The following BLCAP variants were observed in gnomAD, a reference collection of about 807,000 sequenced individuals.
BLCAP encodes BLCAP apoptosis inducing factor, also known as apoptosis inducing factor BLCAP.
In BLCAP, 1 loss-of-function variant was observed where a neutral mutation model predicts 5.7. The ratio of observed to expected loss-of-function variants is 0.18; its 90% CI spans 0.06 to 0.83. The LOEUF is 0.83. Ranked by LOEUF, BLCAP falls within the 40% of genes least tolerant of loss-of-function variation. BLCAP has a pLI of 0.71. For missense variants in BLCAP, 66 were observed against 107.6 expected, an observed-to-expected ratio of 0.61 and a Z score of 1.71; for synonymous variants, 48 against 49.4, an observed-to-expected ratio of 0.97 and a Z score of 0.11.
chr20:37,523,361 C>T (rs2071657478), intron 1 of BLCAP: 1 of 152,648 alleles, frequency 6.6e-6, no homozygotes, highest in Admixed American at 6.5e-5. Flanking sequence ...TCACTGCCTC[C>T]CAAGCCCACC....
At chr20:37,524,190 G>C (rs535937052) in intron 1 of BLCAP, among the ~76,000 whole-genome samples, 2 of 152,116 alleles carry the variant, frequency 1.3e-5, no homozygotes, top group Non-Finnish European at 2.9e-5. Flanking sequence ...GAGGTGCAGC[G>C]TGGCGCCTTC....
chr20:37,522,771 C>T (rs1329763256), intron 1 of BLCAP: 5 of 1,588,566 alleles, frequency 3.1e-6, no homozygotes, highest in Non-Finnish European at 4.3e-6. Context: ...GCCCCAGCTC[C>T]CAGCCCTGGG....
At chr20:37,525,945 C>T (rs1344482269) in intron 1 of BLCAP, among the ~76,000 whole-genome samples, 1 of 152,036 alleles carries the variant, frequency 6.6e-6, no homozygotes, top group African/African-American at 2.4e-5. Context: ...GGTGAGAGAC[C>T]CTTGAGACTA....
intron 1 of BLCAP, among the ~76,000 whole-genome samples, chr20:37,526,477 T>C (rs1692217659): frequency 6.6e-6 from 1 of 152,058 alleles, no homozygotes; most frequent in Non-Finnish European, 1.5e-5. Flanking sequence ...ACAGGGCCCA[T>C]GCATGCCCCA....
Position 37,521,403 on chromosome 20 carries a change from G to A in BLCAP, c.-176-2053C>T. The A allele has an allele frequency of 6.2e-7, 1 of 1,614,138 alleles. No individual in the cohort carries two copies. On this transcript the variant is annotated intron_variant, in intron 1 of 1. Transcript: ENST00000373537. The surrounding 1 kb of genome is among the most constrained non-coding windows in gnomAD (Gnocchi z 4.5). The stretch of plus-strand genomic sequence containing the variant: ...GGTACATCTTCCGCGTGCTGCTGCA[G>A]GTAAGTCTGACGGGGTTTCGGGTGG...
chr20:37,527,547 C>G (rs969311642), intron 1 of BLCAP: 1 of 152,308 alleles, frequency 6.6e-6, no homozygotes, highest in African/African-American at 2.4e-5. Context: ...AAGGCCAGAG[C>G]CAGCACCCAG....
chr20:37,521,418 GT>G lies in BLCAP; in HGVS notation c.-176-2069del, dbSNP rs769902524. On this transcript the variant is annotated intron_variant, in intron 1 of 1. Transcript: ENST00000373537. The surrounding 1 kb of genome is among the most constrained non-coding windows in gnomAD (Gnocchi z 4.5). Reference sequence around the variant, plus strand: ...TGCTGCTGCAGGTAAGTCTGACGGGGTTTCGGGTGGGAGAGGGTTCCCAACT... The same window carrying G: ...TGCTGCTGCAGGTAAGTCTGACGGGGTTCGGGTGGGAGAGGGTTCCCAACT... The G allele has an allele frequency of 3.1e-6, 5 of 1,613,806 alleles. No homozygotes were observed. The highest frequency in any genetic ancestry group is 3.4e-6 in the Non-Finnish European group (4 of 1,179,674).
At chr20:37,525,848 C>G (rs1441184297) in intron 1 of BLCAP, among the ~76,000 whole-genome samples, 1 of 152,194 alleles carries the variant, frequency 6.6e-6, no homozygotes, top group Non-Finnish European at 1.5e-5. Context: ...CATCATTGCT[C>G]CCAGAAGACT....
rs1280392436 is a variant in BLCAP at position 37,521,490 on chromosome 20, G to A, written c.-176-2140C>T. On this transcript the variant is annotated intron_variant, in intron 1 of 1. Transcript: ENST00000373537. The surrounding 1 kb of genome is among the most constrained non-coding windows in gnomAD (Gnocchi z 4.5). ...GACTGCGTCGCGATTGCCGCTTCCCGGACCCGTCCTATTCCGATTGCCGCG... is the reference window on the plus strand; with the variant it reads ...GACTGCGTCGCGATTGCCGCTTCCCAGACCCGTCCTATTCCGATTGCCGCG... The A allele has an allele frequency of 1.0e-5, 14 of 1,335,766 alleles. No homozygotes were observed. The East Asian group carries it at 1.8e-4, about 18-fold the overall frequency. The allele number at this position is 1,335,766 out of a possible 1,614,324, so 82.7% of individuals were successfully genotyped here. A position where few individuals can be genotyped will look rare whatever the true frequency, so the allele number is the denominator to read the frequency against.
intron 1 of BLCAP, chr20:37,522,747 A>G (rs1467507667): frequency 1.2e-6 from 2 of 1,604,876 alleles, no homozygotes; most frequent in Non-Finnish European, 1.7e-6. Flanking sequence ...GCAGGCAGCG[A>G]GCCCCCAACT....
intron 1 of BLCAP, chr20:37,520,373 C>T (rs752317092): frequency 9.2e-5 from 14 of 152,258 alleles, no homozygotes; most frequent in African/African-American, 2.7e-4. Flanking sequence ...AGCGTAACCC[C>T]GTTCGGTGAT....
chr20:37,522,783 G>A, intron 1 of BLCAP: 1 of 1,567,508 alleles, frequency 6.4e-7, no homozygotes, highest in South Asian at 1.2e-5. Context: ...AGCCCTGGGC[G>A]GCCGTATCAT....
chr20:37,519,221 C>A lies in BLCAP; in HGVS notation c.-47G>T. On this transcript the variant is annotated 5_prime_UTR_variant, in exon 2 of 2. Coordinates refer to ENST00000373537, the MANE Select transcript of BLCAP (RefSeq NM_006698.4). ...TCACCAAGGCTGCCGGGCACCGCTG[C>A]AGGAACCGACCTAATGGGAGCCAGC... 1 of 1,531,250 alleles carries A rather than the reference C, an allele frequency of 6.5e-7. No homozygotes were observed. Among genetic ancestry groups the A allele is most frequent in the Non-Finnish European group, 8.8e-7 (1 of 1,136,174 alleles). The allele number at this position is 1,531,250 out of a possible 1,614,324, so 94.9% of individuals were successfully genotyped here.
At chr20:37,524,615 T>C (rs1201594444) in intron 1 of BLCAP, 1 of 152,306 alleles carries the variant, frequency 6.6e-6, no homozygotes, top group Non-Finnish European at 1.5e-5. Flanking sequence ...GGGCCATAAA[T>C]CTCTCTTCCT....
intron 1 of BLCAP, chr20:37,527,455 G>A (rs2071743463): frequency 6.6e-6 from 1 of 152,076 alleles, no homozygotes; most frequent in South Asian, 2.1e-4. Context: ...TGGAACCCGG[G>A]GCTGCAGAGA....
rs1252186983 is a variant in BLCAP at position 37,521,800 on chromosome 20, G to A, written c.-176-2450C>T. 2 of 171,876 alleles carry A rather than the reference G, an allele frequency of 1.2e-5. No homozygotes were observed. Among genetic ancestry groups the A allele is most frequent in the African/African-American group, 4.7e-5 (2 of 42,152 alleles). The allele number at this position is 171,876 out of a possible 1,614,324, so 10.6% of individuals were successfully genotyped here. Reference sequence around the variant, plus strand: ...AAAATTTTCCACCTTAAAAAATTGCGCATTGCGGAGAAATTTTATTTAAAA... The same window carrying A: ...AAAATTTTCCACCTTAAAAAATTGCACATTGCGGAGAAATTTTATTTAAAA... On this transcript the variant is annotated intron_variant, in intron 1 of 1. Transcript: ENST00000373537. This position sits in a 1 kb window ranked among gnomAD's most constrained non-coding sequence, Gnocchi z 4.5.
At chr20:37,522,814 G>T (rs560845323) in intron 1 of BLCAP, 1 of 1,476,252 alleles carries the variant, frequency 6.8e-7, no homozygotes, top group Non-Finnish European at 9.2e-7. Flanking sequence ...TGTGCATCTC[G>T]GCCAGCACGG....
At chr20:37,526,618 C>G (rs1245401179) in intron 1 of BLCAP, 1 of 151,792 alleles carries the variant, frequency 6.6e-6, no homozygotes, top group African/African-American at 2.4e-5. Context: ...AGAACAACAA[C>G]AAAAAAAGAC....
At chr20:37,526,451 C>A (rs1000939691) in intron 1 of BLCAP, among the ~76,000 whole-genome samples, 1 of 152,122 alleles carries the variant, frequency 6.6e-6, no homozygotes, top group African/African-American at 2.4e-5. Context: ...TCCTCCCCTC[C>A]CCGACTTGCC....
Sources: gnomAD v4.1 joint callset for allele counts (sites outside exome capture counted in the v4.1 genomes callset) on GRCh38, gnomAD v4.1.1 for gene constraint, Gnocchi (gnomAD v3.1) non-coding constraint, MANE v1.5 for transcripts, NCBI Gene and HGNC (gene_info 2026-07-23, HGNC 2026-07-21) for gene names.